Variants in PADI6 observed in about 807,000 individuals in gnomAD.
PADI6 encodes the protein inactive protein-arginine deiminase type-6.
Under a neutral mutation model 78.2 loss-of-function variants are expected in PADI6, and 66 were observed. The ratio of observed to expected loss-of-function variants is 0.84; its 90% CI spans 0.69 to 1.04. The LOEUF (loss-of-function observed/expected upper bound fraction) is 1.04, where lower values mean the gene tolerates loss of function less well. Among genes scored for constraint, PADI6 ranks in the 50% least tolerant of loss-of-function variants. The probability of loss-of-function intolerance (pLI) is 0.00; values close to 1 mark genes in which losing one functional copy is unlikely to be tolerated. For synonymous variants in PADI6, 397 were observed against 346.9 expected, an observed-to-expected ratio of 1.14 and a Z score of -1.60; for missense variants, 854 against 866.1, an observed-to-expected ratio of 0.99 and a Z score of 0.18.
At chr1:17,376,280 C>T (rs1334954921) in intron 3 of PADI6, among the ~76,000 whole-genome samples, 1 of 132,838 alleles carries the variant, frequency 7.5e-6, no homozygotes, top group African/African-American at 3.6e-5. Context: ...GCCATATCAT[C>T]TCTCTTAAAC....
At chr1:17,399,866 C>T (rs533757627) in intron 15 of PADI6, among the ~76,000 whole-genome samples, 1 of 151,992 alleles carries the variant, frequency 6.6e-6, no homozygotes, top group South Asian at 2.1e-4. Flanking sequence ...GGTTGAAACT[C>T]TCTAGTAAGA....
intron 15 of PADI6, among the ~76,000 whole-genome samples, chr1:17,399,273 T>G (rs1414283667): frequency 2.6e-5 from 4 of 152,214 alleles, no homozygotes; most frequent in African/African-American, 9.6e-5. Flanking sequence ...AGGGCAGCAG[T>G]GTCTGATACA....
chr1:17,388,938 TTCTATA>T (rs1357443611), intron 8 of PADI6, 58 bp downstream of exon 8: 1 of 1,372,648 alleles, frequency 7.3e-7, no homozygotes, highest in Non-Finnish European at 1.0e-6. Context: ...ACCCTCTTCT[TTCTATA>T]TGCAGGGCAG....
At chr1:17,377,835 C>A (rs576021964) in intron 3 of PADI6, among the ~76,000 whole-genome samples, 3 of 152,192 alleles carry the variant, frequency 2.0e-5, no homozygotes, top group Non-Finnish European at 4.4e-5. Flanking sequence ...AGACCTCTAG[C>A]CTTGATCCAG....
chr1:17,388,107 C>CT (rs1322534432), intron 6 of PADI6, among the ~76,000 whole-genome samples: 2 of 152,168 alleles, frequency 1.3e-5, no homozygotes, highest in East Asian at 3.9e-4. Flanking sequence ...AGTCAGGAGC[C>CT]TTGAAGGCAT....
In PADI6 at chr1:17,401,400, G is replaced by C; in HGVS notation, c.2047G>C (p.Val683Leu). Residue 683 changes from valine (V) to leucine (L), a missense_variant, in exon 16 of 16, where the codon GTG becomes CTG. Val to Leu is a conservative substitution (Grantham distance 32). Coordinates refer to ENST00000619609, the MANE Select transcript of PADI6 (RefSeq NM_207421.4). ...DICACANIRR[V>L]PFAFKWWKMV... ...CTGTGCCTGTGCCAACATCCGCCGG[G>C]TGCCCTTTGCCTTCAAATGGTGGAA... is the stretch of plus-strand genomic sequence containing the variant. 6.2e-7 allele frequency: 1 copy of C among 1,614,044 alleles called. No individual in the cohort carries two copies. Among genetic ancestry groups the C allele is most frequent in the Non-Finnish European group, 8.5e-7 (1 of 1,179,902 alleles).
chr1:17,394,902 G>A (rs757073685), intron 11 of PADI6, 49 bp from the exon 12 acceptor site: 2 of 1,518,282 alleles, frequency 1.3e-6, no homozygotes, highest in Admixed American at 4.1e-5. Context: ...CGGGTGACCA[G>A]CCCTGGGCCA....
At chr1:17,376,369 G>A (rs1416980399) in intron 3 of PADI6, among the ~76,000 whole-genome samples, 1 of 151,536 alleles carries the variant, frequency 6.6e-6, no homozygotes. Context: ...GCGCGATCTT[G>A]GCTCACTGCC....
At position 17,394,459 on chromosome 1, in the gene PADI6, G is replaced by A. The variant is rs780291472; in HGVS notation, c.1337+5G>A. On this transcript the variant is annotated splice_donor_5th_base_variant and intron_variant, in intron 11 of 15. Transcript: ENST00000619609. ...TGGCAGCAGCTTTTACCCCAGGTGAGCCACAAAGCCAGACGCCTCCAAATG... is the reference window on the plus strand; with the variant it reads ...TGGCAGCAGCTTTTACCCCAGGTGAACCACAAAGCCAGACGCCTCCAAATG... 3.0e-5 allele frequency: 48 copies of A among 1,611,444 alleles called. No homozygotes were observed. Among genetic ancestry groups the A allele is most frequent in the Non-Finnish European group, 3.8e-5 (45 of 1,178,478 alleles).
Position 17,394,306 on chromosome 1 carries a change from G to A in PADI6, c.1189G>A (p.Gly397Ser). Reference sequence around the variant, plus strand: ...GGCTCGGTCTCTCCCCCAGAGCCCTGGTATTGGCTACATGATCCAGGACAC... The same window carrying A: ...GGCTCGGTCTCTCCCCCAGAGCCCTAGTATTGGCTACATGATCCAGGACAC... Reference protein sequence around the residue: ...EFPMKYSLSPGIGYMIQDTED... With the variant: ...EFPMKYSLSPSIGYMIQDTED... The change falls in exon 11 of 16, where the codon GGT (glycine) becomes AGT (serine). Residue 397 changes from glycine (G) to serine (S), a missense_variant. Physicochemically the swap from Gly to Ser is moderately conservative, Grantham distance 56. Transcript: ENST00000619609. 6.2e-7 allele frequency: 1 copy of A among 1,613,042 alleles called. No individual in the cohort carries two copies. Among genetic ancestry groups the A allele is most frequent in the Non-Finnish European group, 8.5e-7 (1 of 1,179,158 alleles).
intron 13 of PADI6, 99 bp downstream of exon 13, chr1:17,395,762 C>A: frequency 7.1e-7 from 1 of 1,414,316 alleles, no homozygotes; most frequent in Non-Finnish European, 9.4e-7. Context: ...TAAAGGATGC[C>A]AGGGAAGCAC....
chr1:17,373,823 C>T (rs931848385), intron 2 of PADI6, among the ~76,000 whole-genome samples: 1 of 152,132 alleles, frequency 6.6e-6, no homozygotes, highest in African/African-American at 2.4e-5. Flanking sequence ...GAAACTAAGG[C>T]ACAGAGTGCT....
At chr1:17,401,122 CTG>C in intron 15 of PADI6, 81 bp from the exon 16 acceptor site, 1 of 1,334,458 alleles carries the variant, frequency 7.5e-7, no homozygotes, top group Non-Finnish European at 1.1e-6. Context: ...TACGCCTGGT[CTG>C]ACCGCAGAGA....
chr1:17,397,752 C>CCG (rs2075260717), intron 14 of PADI6, among the ~76,000 whole-genome samples: 1 of 152,124 alleles, frequency 6.6e-6, no homozygotes, highest in African/African-American at 2.4e-5. Context: ...CACAGTAAAA[C>CCG]CGCTAGCCCA....
chr1:17,372,276 T>C lies in PADI6; in HGVS notation c.31T>C (p.Phe11Leu). MVSVEGRAMS[F>L]QSIIHLSLDS... Reference sequence around the variant, plus strand: ...CAGCGTGGAGGGCCGAGCCATGTCCTTCCAGAGTATCATCCACCTGTCCCT... The same window carrying C: ...CAGCGTGGAGGGCCGAGCCATGTCCCTCCAGAGTATCATCCACCTGTCCCT... The change falls in exon 1 of 16, where the codon TTC (phenylalanine) becomes CTC (leucine). Residue 11 changes from phenylalanine to leucine, a missense_variant. By Grantham distance (22) the Phe-to-Leu change is conservative. Coordinates refer to ENST00000619609, the MANE Select transcript of PADI6 (RefSeq NM_207421.4). The C allele has an allele frequency of 6.2e-7, 1 of 1,613,978 alleles. No individual in the cohort carries two copies. The highest frequency in any genetic ancestry group is 1.3e-5 in the African/African-American group (1 of 75,048).
Position 17,397,125 on chromosome 1 carries a change from A to G in PADI6, c.1673A>G (p.Gln558Arg), listed in dbSNP as rs2075254718. ...CTGGCTGATGAAAGCCTGAAGAAGC[A>G]GAATGAATACGTGGAGGTAGGACCA... ...QLLADESLKK[Q>R]NEYVEKCIHL... Residue 558 changes from glutamine (Q) to arginine (R), a missense_variant, in exon 14 of 16, where the codon CAG becomes CGG. Coordinates refer to ENST00000619609, the MANE Select transcript of PADI6 (RefSeq NM_207421.4). The G allele has an allele frequency of 1.2e-6, 2 of 1,613,824 alleles. No individual in the cohort carries two copies. Among genetic ancestry groups the G allele is most frequent in the African/African-American group, 1.3e-5 (1 of 74,946 alleles).
intron 8 of PADI6, among the ~76,000 whole-genome samples, 155 bp from the exon 9 acceptor site, chr1:17,391,959 C>T (rs2075189165): frequency 6.6e-6 from 1 of 152,238 alleles, no homozygotes; most frequent in African/African-American, 2.4e-5. Flanking sequence ...CTGGCTTGTG[C>T]CGAGGTCAGG....
intron 3 of PADI6, among the ~76,000 whole-genome samples, chr1:17,377,624 T>A (rs2075031951): frequency 6.6e-6 from 1 of 152,222 alleles, no homozygotes; most frequent in Admixed American, 6.5e-5. Flanking sequence ...GGTAGCTCCA[T>A]CCTTCTAGTG....
At chr1:17,394,911 C>T (rs76550244) in intron 11 of PADI6, 40 bp from the exon 12 acceptor site, 85,812 of 1,538,518 alleles carry the variant, frequency 0.056, 2,782 homozygotes, top group Middle Eastern at 0.071. Context: ...AGCCCTGGGC[C>T]ACACTGGCTC....
Sources: gnomAD v4.1 joint callset for allele counts (sites outside exome capture counted in the v4.1 genomes callset) on GRCh38, gnomAD v4.1.1 for gene constraint, MANE v1.5 for transcripts, NCBI Gene and HGNC (gene_info 2026-07-23, HGNC 2026-07-21) for gene names.